Variants in GALNT13 observed in about 807,000 individuals in gnomAD.
The protein encoded by GALNT13 is UDP-GalNAc:polypeptide N-acetylgalactosaminyltransferase 13.
In GALNT13, 28 loss-of-function variants were observed where a neutral mutation model predicts 64.2. The ratio of observed to expected loss-of-function variants is 0.44; its 90% CI spans 0.32 to 0.60. GALNT13 has a LOEUF of 0.60. Ranked by LOEUF, GALNT13 falls within the 20% of genes least tolerant of loss-of-function variation. The pLI is 0.05. For missense variants in GALNT13, 577 were observed against 669.8 expected, an observed-to-expected ratio of 0.86 and a Z score of 1.53; for synonymous variants, 214 against 224.6, an observed-to-expected ratio of 0.95 and a Z score of 0.42.
the GALNT13 span, among the ~76,000 whole-genome samples, chr2:153,521,030 A>G: frequency 6.6e-6 from 1 of 152,108 alleles, no homozygotes; most frequent in African/African-American, 2.4e-5. Context: ...TTTTAACCCT[A>G]TTTTATACTT....
At chr2:153,279,397 T>C in the GALNT13 span, among the ~76,000 whole-genome samples, 6 of 152,228 alleles carry the variant, frequency 3.9e-5, no homozygotes, top group East Asian at 1.2e-3. Context: ...CTGTACTATA[T>C]TGAATAAGAT....
chr2:153,896,145 A>T (rs1039884248), intron 1 of GALNT13, among the ~76,000 whole-genome samples: 1 of 135,916 alleles, frequency 7.4e-6, no homozygotes, highest in Admixed American at 7.5e-5. Flanking sequence ...CTAATTGTAT[A>T]AGGAAAAACC....
At chr2:153,079,092 C>T in the GALNT13 span, among the ~76,000 whole-genome samples, 1 of 152,186 alleles carries the variant, frequency 6.6e-6, no homozygotes, top group Admixed American at 6.5e-5. Context: ...ACGACTGCCA[C>T]TGTGAGTGTG....
the GALNT13 span, among the ~76,000 whole-genome samples, chr2:153,401,704 C>CT: frequency 6.8e-6 from 1 of 146,688 alleles, no homozygotes; most frequent in Non-Finnish European, 1.5e-5. Flanking sequence ...CTCTTTTGAT[C>CT]TTTGTTGGTT....
At chr2:153,569,396 CTGTTTTGTTTCT>C in the GALNT13 span, among the ~76,000 whole-genome samples, 2 of 151,454 alleles carry the variant, frequency 1.3e-5, no homozygotes, top group African/African-American at 4.8e-5. Context: ...GTTCATTTTT[CTGTTTTGTTTCT>C]TGTTTTGTAA....
At chr2:154,146,004 G>T (rs566924822) in intron 4 of GALNT13, among the ~76,000 whole-genome samples, 2 of 151,964 alleles carry the variant, frequency 1.3e-5, no homozygotes, top group South Asian at 4.1e-4. Context: ...TCCCTGTGAA[G>T]ATACTAATAA....
intron 3 of GALNT13, among the ~76,000 whole-genome samples, chr2:154,107,602 AAAG>A (rs1302981875): frequency 2.0e-5 from 3 of 151,856 alleles, no homozygotes; most frequent in South Asian, 2.1e-4. Context: ...AAAAAAAAAA[AAAG>A]AAAGAAAAGA....
chr2:154,328,352 A>G (rs138670152), intron 9 of GALNT13, among the ~76,000 whole-genome samples: 181 of 152,160 alleles, frequency 1.2e-3, no homozygotes, highest in African/African-American at 4.0e-3. Context: ...ATTGTTTTTG[A>G]TACTCATCCA....
the GALNT13 span, among the ~76,000 whole-genome samples, chr2:153,135,862 GAATT>G: frequency 6.6e-6 from 1 of 151,874 alleles, no homozygotes; most frequent in South Asian, 2.1e-4. Flanking sequence ...TAATAAAAAA[GAATT>G]AATTTTTATA....
At chr2:153,117,270 A>C in the GALNT13 span, among the ~76,000 whole-genome samples, 2 of 152,216 alleles carry the variant, frequency 1.3e-5, no homozygotes, top group Non-Finnish European at 2.9e-5. Context: ...GAAAGGAGAA[A>C]GCAAACTTTC....
chr2:153,397,068 G>T, the GALNT13 span, among the ~76,000 whole-genome samples: 3 of 152,190 alleles, frequency 2.0e-5, no homozygotes, highest in South Asian at 6.2e-4. Flanking sequence ...AATACGTTTA[G>T]AAAGCAATCA....
chr2:154,299,523 C>T (rs1221417191), intron 8 of GALNT13, among the ~76,000 whole-genome samples: 1 of 148,220 alleles, frequency 6.7e-6, no homozygotes, highest in Non-Finnish European at 1.5e-5. Flanking sequence ...GGCGTGATCT[C>T]AGCTCAGTGC....
At chr2:154,454,003 A>C (rs1032624435), downstream of GALNT13, among the ~76,000 whole-genome samples, 1 of 152,284 alleles carries the variant, frequency 6.6e-6, no homozygotes, top group Non-Finnish European at 1.5e-5. Flanking sequence ...TAAGCTAAAA[A>C]TGGTTTTTAT....
At chr2:153,358,144 C>T in the GALNT13 span, among the ~76,000 whole-genome samples, 20,456 of 152,194 alleles carry the variant, frequency 0.13, 1,453 homozygotes, top group Non-Finnish European at 0.16. Flanking sequence ...CCCATTGCAT[C>T]TTTGCATTTC....
At chr2:154,111,887 C>G (rs1411440841) in intron 3 of GALNT13, among the ~76,000 whole-genome samples, 4 of 152,098 alleles carry the variant, frequency 2.6e-5, no homozygotes, top group Non-Finnish European at 5.9e-5. Context: ...ATGGTAAGAC[C>G]AGTGAATTCC....
At chr2:154,357,282 G>A (rs1696806838) in intron 9 of GALNT13, among the ~76,000 whole-genome samples, 1 of 151,982 alleles carries the variant, frequency 6.6e-6, no homozygotes, top group Non-Finnish European at 1.5e-5. Context: ...GGGGCAATAT[G>A]TATTCTAAGC....
chr2:153,074,453 T>C, the GALNT13 span, among the ~76,000 whole-genome samples: 1 of 152,184 alleles, frequency 6.6e-6, no homozygotes, highest in South Asian at 2.1e-4. Context: ...AATGAATCAC[T>C]GGGCAATTTC....
At chr2:153,436,056 A>G in the GALNT13 span, among the ~76,000 whole-genome samples, 1 of 152,132 alleles carries the variant, frequency 6.6e-6, no homozygotes, top group Non-Finnish European at 1.5e-5. Context: ...GAATTTTGTC[A>G]AAGGCCTTTT....
At chr2:153,441,783 T>C in the GALNT13 span, among the ~76,000 whole-genome samples, 4 of 152,204 alleles carry the variant, frequency 2.6e-5, no homozygotes, top group African/African-American at 7.2e-5. Context: ...CTTGTGATTT[T>C]TGCACATTGA....
Sources: gnomAD v4.1 joint callset for allele counts (sites outside exome capture counted in the v4.1 genomes callset) on GRCh38, gnomAD v4.1.1 for gene constraint, MANE v1.5 for transcripts, NCBI Gene and HGNC (gene_info 2026-07-23, HGNC 2026-07-21) for gene names.